The following UGGT1 variants were observed in gnomAD, a reference collection of about 807,000 sequenced individuals.
The protein encoded by UGGT1 is UDP-glucose:glycoprotein glucosyltransferase 1.
UGGT1 carries 107 observed loss-of-function variants against 203.9 expected under a neutral mutation model. The ratio of observed to expected loss-of-function variants is 0.52; its 90% CI spans 0.45 to 0.62. UGGT1 has a LOEUF of 0.62. Among genes scored for constraint, UGGT1 ranks in the 20% least tolerant of loss-of-function variants. The pLI, the probability that UGGT1 is intolerant of heterozygous loss-of-function variation, is 0.00. For missense variants in UGGT1, 1,673 were observed against 1,867.2 expected, an observed-to-expected ratio of 0.90 and a Z score of 1.92; for synonymous variants, 628 against 653.5, an observed-to-expected ratio of 0.96 and a Z score of 0.59.
intron 4 of UGGT1, 41 bp from the exon 5 acceptor site, chr2:128,109,593 G>A (rs754594133): frequency 4.1e-5 from 62 of 1,494,422 alleles, no homozygotes; most frequent in Non-Finnish European, 5.8e-5. Context: ...CTCGTCTTTG[G>A]TTAGAAATTT....
At chr2:128,123,763 GC>G (rs1688488967) in intron 11 of UGGT1, among the ~76,000 whole-genome samples, 2 of 152,164 alleles carry the variant, frequency 1.3e-5, no homozygotes, top group South Asian at 4.2e-4. Flanking sequence ...TGCTCTTTAT[GC>G]CCAGGGCATG....
intron 40 of UGGT1, among the ~76,000 whole-genome samples, chr2:128,189,061 G>T (rs1692134278): frequency 2.0e-5 from 3 of 152,208 alleles, no homozygotes; most frequent in African/African-American, 7.2e-5. Flanking sequence ...AATTAAAGCA[G>T]TCTATCACTA....
At chr2:128,108,578 GT>G (rs1687709904) in intron 4 of UGGT1, among the ~76,000 whole-genome samples, 2 of 27,688 alleles carry the variant, frequency 7.2e-5, no homozygotes, top group Admixed American at 1.0e-3. Context: ...AGAAGAGACA[GT>G]CAAAGATGTC....
At chr2:128,132,875 T>C (rs1688949396) in intron 13 of UGGT1, among the ~76,000 whole-genome samples, 2 of 152,084 alleles carry the variant, frequency 1.3e-5, no homozygotes, top group South Asian at 4.1e-4. Context: ...TGGCTAATTT[T>C]TATATTTTTT....
chr2:128,121,254 G>A lies in UGGT1; in HGVS notation c.1029G>A (p.Leu343=). 2 of 1,613,312 alleles carry A rather than the reference G, an allele frequency of 1.2e-6. No homozygotes were observed. Among genetic ancestry groups the A allele is most frequent in the Non-Finnish European group, 1.7e-6 (2 of 1,179,832 alleles). The part of the protein sequence containing the change: ...RILASPVELA[L]VVMKDLSQNF... ...TGGCTTCTCCTGTTGAGTTGGCTTTGGTTGTCATGAAGGATCTTAGTCAGA... is the reference window on the plus strand; with the variant it reads ...TGGCTTCTCCTGTTGAGTTGGCTTTAGTTGTCATGAAGGATCTTAGTCAGA... Residue 343 remains leucine (L), a synonymous_variant, in exon 10 of 41, where the codon TTG becomes TTA. Transcript: ENST00000259253.
At chr2:128,100,521 C>T (rs1168733138) in intron 2 of UGGT1, among the ~76,000 whole-genome samples, 2 of 152,066 alleles carry the variant, frequency 1.3e-5, no homozygotes, top group African/African-American at 2.4e-5. Context: ...ATTCTCTTGC[C>T]TCAGCCTCCT....
intron 25 of UGGT1, among the ~76,000 whole-genome samples, chr2:128,161,690 G>A (rs1690534727): frequency 1.3e-5 from 2 of 152,196 alleles, no homozygotes; most frequent in African/African-American, 4.8e-5. Flanking sequence ...AGAATACTGA[G>A]TTGTTTCCCT....
intron 16 of UGGT1, among the ~76,000 whole-genome samples, chr2:128,142,368 G>A (rs1393799944): frequency 4.9e-5 from 7 of 143,312 alleles, no homozygotes; most frequent in African/African-American, 1.0e-4. Context: ...GGCGAATCAC[G>A]AGGTCAGGAG....
At chr2:128,130,441 A>G (rs767239306) in intron 13 of UGGT1, among the ~76,000 whole-genome samples, 6 of 152,140 alleles carry the variant, frequency 3.9e-5, no homozygotes, top group Non-Finnish European at 7.4e-5. Flanking sequence ...TTGAATTCAT[A>G]CTTGGTGATA....
chr2:128,092,593 C>A (rs1267870754), intron 1 of UGGT1, among the ~76,000 whole-genome samples: 2 of 74,716 alleles, frequency 2.7e-5, no homozygotes, highest in Admixed American at 3.8e-4. Flanking sequence ...TGATAATTTT[C>A]TTTCTTTCTT....
intron 26 of UGGT1, 69 bp downstream of exon 26, chr2:128,164,894 T>G: frequency 2.5e-6 from 3 of 1,182,758 alleles, no homozygotes; most frequent in Non-Finnish European, 3.5e-6. Flanking sequence ...TTACCTCAGC[T>G]CCTTCATTTT....
At chr2:128,172,068 T>C (rs1484888825) in intron 28 of UGGT1, among the ~76,000 whole-genome samples, 3 of 152,122 alleles carry the variant, frequency 2.0e-5, no homozygotes, top group African/African-American at 7.2e-5. Context: ...ATTATTCTCG[T>C]ATAGGGGAAA....
chr2:128,171,412 T>A (rs1691095738), intron 28 of UGGT1, 128 bp downstream of exon 28: 1 of 896,656 alleles, frequency 1.1e-6, no homozygotes, highest in African/African-American at 1.7e-5. Context: ...TACTAAATGT[T>A]CAGTTTTGCC....
rs66611494 is a variant in UGGT1 at position 128,106,110 on chromosome 2, CTT to C, written c.278-1810_278-1809del. Reference sequence around the variant, plus strand: ...GTGGGCCACCATGCCCAGCCTGAATCTTTTTTTTTTTTTTTTTTTGGAGATAT... The same window carrying C: ...GTGGGCCACCATGCCCAGCCTGAATCTTTTTTTTTTTTTTTTTGGAGATAT... On this transcript the variant is annotated intron_variant, in intron 3 of 40. Coordinates refer to ENST00000259253, the MANE Select transcript of UGGT1 (RefSeq NM_020120.4). Among the ~76,000 whole-genome samples the C allele has an allele frequency of 5.9e-3, 602 of 101,308 alleles. 6 individuals carry two copies. Among genetic ancestry groups the C allele is most frequent in the African/African-American group, 0.018 (508 of 27,922 alleles). The allele number at this position is 101,308 out of a possible 152,430, so 66.5% of individuals were successfully genotyped here.
At chr2:128,124,800 C>T (rs961372492) in intron 11 of UGGT1, among the ~76,000 whole-genome samples, 1 of 151,648 alleles carries the variant, frequency 6.6e-6, no homozygotes, top group African/African-American at 2.4e-5. Context: ...ATGGTGTTCC[C>T]GTGTATCTCT....
chr2:128,140,506 G>C (rs1189662980), intron 16 of UGGT1: 1 of 152,244 alleles, frequency 6.6e-6, no homozygotes, highest in African/African-American at 2.4e-5. Context: ...TAGCAACAAG[G>C]CTTCCCTGGG....
chr2:128,099,176 C>T (rs956280281), intron 2 of UGGT1, among the ~76,000 whole-genome samples: 6 of 152,128 alleles, frequency 3.9e-5, no homozygotes, highest in East Asian at 1.9e-4. Flanking sequence ...CAAGGCCTGT[C>T]TCTGTTGTTC....
chr2:128,189,957 C>A lies in UGGT1; in HGVS notation c.*215C>A. ...TTGGATTTGTACCTCAGAGGAAGAC[C>A]AAGTGGCTGATCCTTTGGACTCTGT... On this transcript the variant is annotated 3_prime_UTR_variant, in exon 41 of 41. Transcript: ENST00000259253. 1 of 517,664 alleles carries A rather than the reference C, an allele frequency of 1.9e-6. No individual in the cohort carries two copies. The highest frequency in any genetic ancestry group is 3.5e-6 in the Non-Finnish European group (1 of 289,184). 32.1% of individuals were successfully genotyped at this position (517,664 alleles called of 1,614,324 possible).
intron 22 of UGGT1, 120 bp downstream of exon 22, chr2:128,157,466 G>C: frequency 1.4e-6 from 1 of 697,014 alleles, no homozygotes; most frequent in Non-Finnish European, 2.4e-6. Context: ...TAATGCTCGA[G>C]GGAACGGAGA....
Sources: gnomAD v4.1 joint callset for allele counts (sites outside exome capture counted in the v4.1 genomes callset) on GRCh38, gnomAD v4.1.1 for gene constraint, MANE v1.5 for transcripts, NCBI Gene and HGNC (gene_info 2026-07-23, HGNC 2026-07-21) for gene names.